Variants in VSTM1 observed in about 807,000 individuals in gnomAD.
VSTM1 encodes the protein V-set and transmembrane domain containing 1, also known as V-set and transmembrane domain-containing protein 1.
VSTM1 carries 27 observed loss-of-function variants against 33.1 expected under a neutral mutation model. The observed-to-expected ratio is 0.82, with a 90% CI of 0.60 to 1.12. VSTM1 has a LOEUF of 1.12. VSTM1 is among the 50% of genes most tolerant of loss of function. The pLI, the probability that VSTM1 is intolerant of heterozygous loss-of-function variation, is 0.00. For synonymous variants in VSTM1, 115 were observed against 110.3 expected, an observed-to-expected ratio of 1.04 and a Z score of -0.27; for missense variants, 304 against 288.9, an observed-to-expected ratio of 1.05 and a Z score of -0.38.
chr19:54,058,259 C>T lies in VSTM1; in HGVS notation c.355+47G>A, dbSNP rs781052253. ...TGTCTTAAAAAAAAAAAAGCAAAGC[C>T]AAACCAAAGAAATGTGTGCATCAAA... On this transcript the variant is annotated intron_variant, in intron 3 of 8. Transcript: ENST00000338372. The T allele has an allele frequency of 6.2e-5, 81 of 1,316,452 alleles. No individual in the cohort carries two copies. The African/African-American group carries it at 8.9e-4, about 14-fold the overall frequency. The allele number at this position is 1,316,452 out of a possible 1,614,324, so 81.5% of individuals were successfully genotyped here. A position where few individuals can be genotyped will look rare whatever the true frequency, so the allele number is the denominator to read the frequency against.
intron 3 of VSTM1, among the ~76,000 whole-genome samples, chr19:54,056,214 C>CTTTTCTTTTTTT (rs2071087721): frequency 2.6e-5 from 1 of 39,182 alleles, no homozygotes; most frequent in African/African-American, 9.7e-5. Context: ...CTTTTCTTTT[C>CTTTTCTTTTTTT]TTTTTTTTTT....
At chr19:54,054,884 A>G (rs537026596) in intron 3 of VSTM1, among the ~76,000 whole-genome samples, 1 of 115,998 alleles carries the variant, frequency 8.6e-6, no homozygotes, top group African/African-American at 3.3e-5. Flanking sequence ...TGGATGGATG[A>G]GTTGATGGAT....
chr19:54,046,254 T>C (rs1258516589), intron 4 of VSTM1, among the ~76,000 whole-genome samples: 1 of 152,216 alleles, frequency 6.6e-6, no homozygotes, highest in Non-Finnish European at 1.5e-5. Context: ...CTTTCTGAGC[T>C]GATCATCAGG....
intron 1 of VSTM1, among the ~76,000 whole-genome samples, chr19:54,059,824 G>A (rs938089942): frequency 6.8e-6 from 1 of 148,084 alleles, no homozygotes; most frequent in South Asian, 2.1e-4. Flanking sequence ...TTATTTTATC[G>A]TGGAGTGAGA....
intron 7 of VSTM1, 21 bp from the exon 8 acceptor site, chr19:54,041,837 A>G (rs766038885): frequency 7.4e-6 from 12 of 1,613,674 alleles, no homozygotes; most frequent in Non-Finnish European, 1.0e-5. Context: ...AAGGAAAAAA[A>G]AAAATCAGTT....
rs542742198 is a variant in VSTM1, at chr19:54,056,783, G to C, written c.355+1523C>G. The stretch of plus-strand genomic sequence containing the variant: ...CATCCACATCATTGGGACCCTCTCA[G>C]AATCTCTGATGAGAATCTTGCTCCA... On this transcript the variant is annotated intron_variant, in intron 3 of 8. Coordinates refer to ENST00000338372, the MANE Select transcript of VSTM1 (RefSeq NM_198481.4). Among the ~76,000 whole-genome samples, 125 of 140,938 alleles carry C rather than the reference G, an allele frequency of 8.9e-4. 12 individuals carry two copies. The highest frequency in any genetic ancestry group is 2.9e-3 in the African/African-American group (111 of 38,254). The allele number at this position is 140,938 out of a possible 152,430, so 92.5% of individuals were successfully genotyped here.
chr19:54,046,442 GA>G (rs1366498194), intron 4 of VSTM1, among the ~76,000 whole-genome samples: 3 of 152,144 alleles, frequency 2.0e-5, no homozygotes, highest in African/African-American at 7.2e-5. Context: ...AGGTAATGAT[GA>G]AAAATCCTGG....
In VSTM1 at chr19:54,058,364, C is replaced by T; in HGVS notation, c.297G>A (p.Lys99=). The T allele has an allele frequency of 1.2e-6, 2 of 1,614,104 alleles. No homozygotes were observed. Among genetic ancestry groups the T allele is most frequent in the Non-Finnish European group, 1.7e-6 (2 of 1,180,028 alleles). Residue 99 remains lysine (K), a synonymous_variant, in exon 3 of 9, where the codon AAG becomes AAA. Transcript: ENST00000338372. ...KDAGRYFCAY[K]TTASHEWSES... is the part of the protein sequence containing the mutation. ...CTGACCACTCATGGGAGGCTGTTGTCTTGTAGGCACAAAAGTACCTCCCAG... is the reference window on the plus strand; with the variant it reads ...CTGACCACTCATGGGAGGCTGTTGTTTTGTAGGCACAAAAGTACCTCCCAG...
rs756011457 is a variant in VSTM1, at chr19:54,041,061, A to G, written c.611T>C (p.Val204Ala). Reference sequence around the variant, plus strand: ...GCTGGTGCTTAGCTCAGCATAGGTCACTCCTTGGGGGTCTGCCGTCTTTGG... The same window carrying G: ...GCTGGTGCTTAGCTCAGCATAGGTCGCTCCTTGGGGGTCTGCCGTCTTTGG... The part of the protein sequence containing the change: ...VSLSTADPQG[V>A]TYAELSTSAL... Residue 204 changes from valine (V) to alanine (A), a missense_variant, in exon 9 of 9, where the codon GTG (valine) becomes GCG (alanine). Transcript: ENST00000338372. 6.3e-7 allele frequency: 1 copy of G among 1,591,696 alleles called. No individual in the cohort carries two copies. The highest frequency in any genetic ancestry group is 1.4e-5 in the African/African-American group (1 of 73,058).
intron 4 of VSTM1, among the ~76,000 whole-genome samples, chr19:54,050,659 C>G (rs1442002973): frequency 6.6e-6 from 1 of 152,064 alleles, no homozygotes; most frequent in African/African-American, 2.4e-5. Context: ...CAGCAGTTTC[C>G]CCAATAACAT....
rs186927400 is a variant in VSTM1, at chr19:54,054,977, G to T, written c.355+3329C>A. On this transcript the variant is annotated intron_variant, in intron 3 of 8. Transcript: ENST00000338372. Reference sequence around the variant, plus strand: ...GGTAGGTGGGTAGATGGGTGGGTGGGTTGATAGATGGGTGGGTAGATTGAT... The same window carrying T: ...GGTAGGTGGGTAGATGGGTGGGTGGTTTGATAGATGGGTGGGTAGATTGAT... Among the ~76,000 whole-genome samples, 28 of 134,828 alleles carry T rather than the reference G, an allele frequency of 2.1e-4. 3 individuals carry two copies. The highest frequency in any genetic ancestry group is 3.6e-3 in the Middle Eastern group (1 of 274). 88.5% of individuals were successfully genotyped at this position (134,828 alleles called of 152,430 possible).
chr19:54,042,692 T>C (rs1349935484), intron 4 of VSTM1, among the ~76,000 whole-genome samples: 1 of 150,522 alleles, frequency 6.6e-6, no homozygotes, highest in Non-Finnish European at 1.5e-5. Flanking sequence ...AGCAATGATA[T>C]TGATCATTTA....
intron 1 of VSTM1, among the ~76,000 whole-genome samples, chr19:54,059,554 TCCA>T (rs2146142131): frequency 6.6e-6 from 1 of 151,252 alleles, no homozygotes; most frequent in South Asian, 2.1e-4. Flanking sequence ...TGCAACCTCC[TCCA>T]CCCCCTGGGT....
intron 4 of VSTM1, among the ~76,000 whole-genome samples, chr19:54,048,972 T>A (rs1280958746): frequency 6.6e-6 from 1 of 152,048 alleles, no homozygotes; most frequent in African/African-American, 2.4e-5. Flanking sequence ...TAGGTCCAGC[T>A]ACTCAGGAGG....
intron 8 of VSTM1, 130 bp downstream of exon 8, chr19:54,041,649 T>G: frequency 9.4e-7 from 1 of 1,067,518 alleles, no homozygotes; most frequent in Admixed American, 2.7e-5. Flanking sequence ...TAGGGGAGTT[T>G]CGTGACTTGT....
Position 54,060,147 on chromosome 19 carries a change from C to T in VSTM1, c.35-1415G>A, listed in dbSNP as rs545796805. On this transcript the variant is annotated intron_variant, in intron 1 of 8. Coordinates refer to ENST00000338372, the MANE Select transcript of VSTM1 (RefSeq NM_198481.4). The stretch of plus-strand genomic sequence containing the variant: ...GATTACAGGCATCAGCCACCGCGCC[C>T]GGCCGAGAGGAGGGTTTTCTTGCTC... Among the ~76,000 whole-genome samples, 154 of 152,262 alleles carry T rather than the reference C, an allele frequency of 1.0e-3. No homozygotes were observed. The Middle Eastern group carries it at 0.01, about 10-fold the overall frequency.
intron 1 of VSTM1, among the ~76,000 whole-genome samples, chr19:54,059,209 C>A (rs929722962): frequency 6.6e-6 from 1 of 151,376 alleles, no homozygotes. Context: ...TACAGGCACC[C>A]GCCACCACAC....
intron 4 of VSTM1, chr19:54,048,508 A>G (rs1380114868): frequency 5.7e-6 from 1 of 174,354 alleles, no homozygotes; most frequent in African/African-American, 2.4e-5. Flanking sequence ...TGGGATGGCT[A>G]TAATTTAAAA....
chr19:54,048,800 G>A (rs994551283), intron 4 of VSTM1, among the ~76,000 whole-genome samples: 1 of 151,838 alleles, frequency 6.6e-6, no homozygotes, highest in Non-Finnish European at 1.5e-5. Flanking sequence ...AAAGAAGAAC[G>A]GGGCCAGGCA....
Sources: allele counts gnomAD v4.1 joint callset (sites outside exome capture counted in the v4.1 genomes callset), GRCh38; gene constraint gnomAD v4.1.1; transcripts MANE v1.5; gene names NCBI Gene and HGNC (gene_info 2026-07-23, HGNC 2026-07-21).